The following KCNH8 variants were observed in gnomAD, a reference collection of about 807,000 sequenced individuals.
KCNH8 encodes voltage-gated delayed rectifier potassium channel KCNH8.
Under a neutral mutation model 103.6 loss-of-function variants are expected in KCNH8, and 70 were observed. That is an observed-to-expected ratio of 0.68 (90% CI 0.56 to 0.82). The LOEUF is 0.82. Among genes scored for constraint, KCNH8 ranks in the 40% least tolerant of loss-of-function variants. KCNH8 has a pLI of 0.00. For synonymous variants in KCNH8, 498 were observed against 489.4 expected (o/e 1.02, Z -0.23); for missense variants, 1,217 against 1,329.9 (o/e 0.92, Z 1.32).
intron 1 of KCNH8, among the ~76,000 whole-genome samples, chr3:19,173,617 G>C (rs2063369426): frequency 6.6e-6 from 1 of 151,838 alleles, no homozygotes; most frequent in Non-Finnish European, 1.5e-5. Flanking sequence ...AGGAGAGAAA[G>C]GCATAAACCT....
At position 19,505,746 on chromosome 3, in the gene KCNH8, G is replaced by T. The variant is rs1190219347; in HGVS notation, c.2041-4617G>T. Among the ~76,000 whole-genome samples, 3 of 152,264 alleles carry T rather than the reference G, an allele frequency of 2.0e-5. No homozygotes were observed. In the South Asian group the frequency reaches 6.2e-4, roughly 32 times the overall value. On this transcript the variant is annotated intron_variant, in intron 11 of 15. Transcript: ENST00000328405. ...GGAAGGTTTGCATGGATGATATTCT[G>T]AGATATATTTTCCAGGTTGCTTGCT...
intron 8 of KCNH8, among the ~76,000 whole-genome samples, chr3:19,449,860 A>ATGATTGAG (rs2067418835): frequency 6.6e-6 from 1 of 152,070 alleles, no homozygotes; most frequent in Non-Finnish European, 1.5e-5. Flanking sequence ...TATTTTGCAT[A>ATGATTGAG]TGATTGAGTA....
intron 1 of KCNH8, among the ~76,000 whole-genome samples, chr3:19,242,434 T>C (rs146056498): frequency 6.6e-6 from 1 of 152,182 alleles, no homozygotes; most frequent in African/African-American, 2.4e-5. Context: ...AGGTTATGTA[T>C]TGACCTTTAT....
At chr3:19,284,556 G>T (rs187256816) in intron 3 of KCNH8, among the ~76,000 whole-genome samples, 16 of 134,560 alleles carry the variant, frequency 1.2e-4, no homozygotes, top group Admixed American at 2.2e-4. Context: ...TGTGTGTGAG[G>T]GAGAGAGAGA....
chr3:19,423,450 C>G (rs2066980016), intron 7 of KCNH8, among the ~76,000 whole-genome samples: 1 of 151,574 alleles, frequency 6.6e-6, no homozygotes, highest in Admixed American at 6.6e-5. Context: ...ACCCTTCCCC[C>G]TGAGTCCATT....
intron 3 of KCNH8, among the ~76,000 whole-genome samples, chr3:19,328,820 T>C (rs538344759): frequency 6.6e-6 from 1 of 152,310 alleles, no homozygotes; most frequent in African/African-American, 2.4e-5. Context: ...AAAAGAATCC[T>C]ATTTCTGTCA....
chr3:19,223,463 A>G (rs1479334930), intron 1 of KCNH8, among the ~76,000 whole-genome samples: 1 of 152,150 alleles, frequency 6.6e-6, no homozygotes, highest in Non-Finnish European at 1.5e-5. Flanking sequence ...TTTTTTTAAA[A>G]TAAAGTTTAT....
At chr3:19,429,495 G>A (rs2125164585) in intron 7 of KCNH8, among the ~76,000 whole-genome samples, 1 of 152,260 alleles carries the variant, frequency 6.6e-6, no homozygotes, top group South Asian at 2.1e-4. Context: ...TTCTAACAAA[G>A]GCTGACACCT....
intron 3 of KCNH8, among the ~76,000 whole-genome samples, chr3:19,334,325 CT>C (rs1172701335): frequency 6.6e-6 from 1 of 152,074 alleles, no homozygotes; most frequent in Non-Finnish European, 1.5e-5. Flanking sequence ...CAGAACCTGT[CT>C]TTTTATTTCC....
chr3:19,315,511 A>G (rs1023667021), intron 3 of KCNH8, among the ~76,000 whole-genome samples: 3 of 152,004 alleles, frequency 2.0e-5, no homozygotes, highest in Non-Finnish European at 4.4e-5. Context: ...CCTGCTACCC[A>G]ACACATAGTA....
intron 11 of KCNH8, among the ~76,000 whole-genome samples, chr3:19,481,156 C>A (rs2068078863): frequency 6.6e-6 from 1 of 152,054 alleles, no homozygotes; most frequent in East Asian, 1.9e-4. Context: ...TCTCTCAAGA[C>A]TTCATTGATT....
At chr3:19,177,224 G>A (rs1455113747) in intron 1 of KCNH8, among the ~76,000 whole-genome samples, 7 of 152,132 alleles carry the variant, frequency 4.6e-5, no homozygotes, top group African/African-American at 7.2e-5. Flanking sequence ...CAAGAAGGCA[G>A]AGCATCACTT....
intron 11 of KCNH8, among the ~76,000 whole-genome samples, chr3:19,494,362 A>T (rs1314231772): frequency 6.6e-6 from 1 of 151,700 alleles, no homozygotes; most frequent in East Asian, 1.9e-4. Context: ...ATGATGGTAA[A>T]TGGGTCTCAT....
chr3:19,289,658 G>A (rs531563655), intron 3 of KCNH8, among the ~76,000 whole-genome samples: 20 of 152,200 alleles, frequency 1.3e-4, no homozygotes, highest in Admixed American at 3.3e-4. Context: ...GTCAGGTAGC[G>A]TCATGCCTCC....
At chr3:19,176,189 A>AT (rs548729056) in intron 1 of KCNH8, among the ~76,000 whole-genome samples, 19 of 152,144 alleles carry the variant, frequency 1.2e-4, no homozygotes, top group African/African-American at 4.6e-4. Context: ...TTCAGGATTC[A>AT]TTTTTTGCTA....
At chr3:19,500,714 G>C (rs2068561327) in intron 11 of KCNH8, among the ~76,000 whole-genome samples, 1 of 151,946 alleles carries the variant, frequency 6.6e-6, no homozygotes, top group African/African-American at 2.4e-5. Context: ...CACAAATAAA[G>C]ATGTTCTTTG....
intron 5 of KCNH8, among the ~76,000 whole-genome samples, chr3:19,385,266 TTA>T (rs1447533549): frequency 2.0e-5 from 3 of 152,174 alleles, no homozygotes; most frequent in Non-Finnish European, 2.9e-5. Context: ...GATTTGATCT[TTA>T]TAAATTATAT....
chr3:19,366,655 T>C (rs947107036), intron 5 of KCNH8, among the ~76,000 whole-genome samples: 1 of 152,036 alleles, frequency 6.6e-6, no homozygotes, highest in Admixed American at 6.6e-5. Context: ...TTTTCAAGTA[T>C]GTTTTCTTAA....
chr3:19,508,495 T>C (rs761179957), intron 11 of KCNH8, among the ~76,000 whole-genome samples: 2 of 152,140 alleles, frequency 1.3e-5, no homozygotes, highest in Non-Finnish European at 2.9e-5. Context: ...TTCTGCAGAA[T>C]AGAGACTAAA....
Sources: allele counts gnomAD v4.1 joint callset (sites outside exome capture counted in the v4.1 genomes callset), GRCh38; gene constraint gnomAD v4.1.1; transcripts MANE v1.5; gene names NCBI Gene and HGNC (gene_info 2026-07-23, HGNC 2026-07-21).